Variants in C12orf54 observed in about 807,000 individuals in gnomAD.
C12orf54 encodes the protein chromosome 12 open reading frame 54.
In C12orf54, 24 loss-of-function variants were observed where a neutral mutation model predicts 26.4. The observed-to-expected ratio is 0.91, with a 90% CI of 0.66 to 1.28. The LOEUF (loss-of-function observed/expected upper bound fraction) is 1.28, where lower values mean the gene tolerates loss of function less well. Ranked by LOEUF, C12orf54 falls within the 50% of genes most tolerant of loss-of-function variation. The pLI is 0.00. For synonymous variants in C12orf54, 54 were observed against 47.0 expected (o/e 1.15, Z -0.61); for missense variants, 154 against 150.9 (o/e 1.02, Z -0.11).
chr12:48,489,041 G>T (rs999561000), intron 5 of C12orf54, 85 bp downstream of exon 5: 131 of 1,272,016 alleles, frequency 1.0e-4, no homozygotes, highest in Non-Finnish European at 1.5e-4. Context: ...CTGAGATGTT[G>T]CCTCTGACCA....
chr12:48,461,452 A>G, the C12orf54 span, among the ~76,000 whole-genome samples: 2 of 151,886 alleles, frequency 1.3e-5, no homozygotes, highest in Admixed American at 6.6e-5. Flanking sequence ...TCAAGTATAC[A>G]TGGAATATTT....
At chr12:48,486,432 A>G in intron 3 of C12orf54, 2 of 623,382 alleles carry the variant, frequency 3.2e-6, no homozygotes, top group Non-Finnish European at 2.8e-6. Flanking sequence ...GCTTACAGGC[A>G]TTGAAAAGAT....
the C12orf54 span, among the ~76,000 whole-genome samples, chr12:48,452,415 A>T: frequency 1.3e-5 from 2 of 152,262 alleles, no homozygotes; most frequent in African/African-American, 4.8e-5. Context: ...CATTCAGGAC[A>T]TAGGCACAGG....
chr12:48,455,958 T>C, the C12orf54 span, among the ~76,000 whole-genome samples: 2 of 152,216 alleles, frequency 1.3e-5, 1 homozygote, highest in Non-Finnish European at 2.9e-5. Context: ...AATAACGTGA[T>C]TGAATCCTTA....
At chr12:48,416,525 A>G in the C12orf54 span, among the ~76,000 whole-genome samples, 1 of 152,156 alleles carries the variant, frequency 6.6e-6, no homozygotes, top group African/African-American at 2.4e-5. Flanking sequence ...TTTAATTGCC[A>G]TTGTATCACC....
the C12orf54 span, among the ~76,000 whole-genome samples, chr12:48,434,072 T>C: frequency 6.6e-6 from 1 of 152,170 alleles, no homozygotes; most frequent in East Asian, 1.9e-4. Flanking sequence ...CCTAATACTG[T>C]GCTTTTCCAA....
At chr12:48,433,478 T>C in the C12orf54 span, among the ~76,000 whole-genome samples, 101 of 149,650 alleles carry the variant, frequency 6.7e-4, no homozygotes, top group Non-Finnish European at 2.2e-4. Context: ...GGCAGGATCT[T>C]GCTCTGTTGC....
chr12:48,462,155 C>T, the C12orf54 span, among the ~76,000 whole-genome samples: 1 of 151,198 alleles, frequency 6.6e-6, no homozygotes, highest in Admixed American at 6.6e-5. Flanking sequence ...AAGAAATCAA[C>T]ATATTTCTTG....
chr12:48,476,576 A>G, the C12orf54 span, among the ~76,000 whole-genome samples: 1 of 152,212 alleles, frequency 6.6e-6, no homozygotes, highest in Non-Finnish European at 1.5e-5. Flanking sequence ...GGAAAACAAA[A>G]AAAGGCAGGG....
upstream of C12orf54, among the ~76,000 whole-genome samples, chr12:48,477,673 T>C (rs139699787): frequency 0.15 from 22,483 of 152,142 alleles, 2,886 homozygotes; most frequent in East Asian, 0.66. Context: ...CCTCGACACA[T>C]ACATCCTCCC....
At chr12:48,437,573 C>A in the C12orf54 span, among the ~76,000 whole-genome samples, 9 of 152,200 alleles carry the variant, frequency 5.9e-5, no homozygotes, top group African/African-American at 2.2e-4. Context: ...GGGCTTCATG[C>A]CTCGGATGCA....
chr12:48,485,095 A>G (rs1406163586), intron 2 of C12orf54, among the ~76,000 whole-genome samples: 1 of 151,968 alleles, frequency 6.6e-6, no homozygotes, highest in African/African-American at 2.4e-5. Flanking sequence ...ATTTATTTTT[A>G]GCGACAGGGC....
the C12orf54 span, among the ~76,000 whole-genome samples, chr12:48,424,737 A>T: frequency 6.6e-6 from 1 of 152,192 alleles, no homozygotes; most frequent in South Asian, 2.1e-4. Context: ...ATATGTCTTC[A>T]CAAAGACTTC....
the C12orf54 span, among the ~76,000 whole-genome samples, chr12:48,450,649 C>T: frequency 3.3e-5 from 5 of 152,110 alleles, no homozygotes; most frequent in African/African-American, 1.2e-4. Flanking sequence ...GGGGATATTA[C>T]CACTGACCCT....
intron 8 of C12orf54, among the ~76,000 whole-genome samples, chr12:48,495,762 G>A (rs1051496541): frequency 1.3e-5 from 2 of 152,154 alleles, no homozygotes; most frequent in African/African-American, 4.8e-5. Flanking sequence ...TTCTTGAATA[G>A]TCCCCTTTCA....
At chr12:48,419,886 T>G in the C12orf54 span, among the ~76,000 whole-genome samples, 1 of 152,178 alleles carries the variant, frequency 6.6e-6, no homozygotes, top group Non-Finnish European at 1.5e-5. Flanking sequence ...TAGGTGTCAG[T>G]ATTAGAAAAA....
chr12:48,474,447 A>C, the C12orf54 span, among the ~76,000 whole-genome samples: 8 of 152,198 alleles, frequency 5.3e-5, no homozygotes, highest in Admixed American at 4.6e-4. Context: ...GCGAGGCATC[A>C]TCTCACCCAG....
chr12:48,436,797 A>T, the C12orf54 span, among the ~76,000 whole-genome samples: 2 of 152,244 alleles, frequency 1.3e-5, no homozygotes, highest in Non-Finnish European at 2.9e-5. Context: ...CCCACAAGAG[A>T]AAGCAGGAAA....
the C12orf54 span, among the ~76,000 whole-genome samples, chr12:48,463,419 G>A: frequency 1.5e-3 from 227 of 151,948 alleles, no homozygotes; most frequent in African/African-American, 5.0e-3. Flanking sequence ...CTCCAAAATC[G>A]AGTCAGTAAT....
Sources: gnomAD v4.1 joint callset for allele counts (sites outside exome capture counted in the v4.1 genomes callset) on GRCh38, gnomAD v4.1.1 for gene constraint, MANE v1.5 for transcripts, NCBI Gene and HGNC (gene_info 2026-07-23, HGNC 2026-07-21) for gene names.